Variants in USP30 observed in about 807,000 individuals in gnomAD.
The protein encoded by USP30 is ubiquitin specific peptidase 30.
A neutral mutation model predicts 68.2 loss-of-function variants in USP30; 41 were observed. The ratio of observed to expected loss-of-function variants is 0.60; its 90% CI spans 0.47 to 0.78. The LOEUF (loss-of-function observed/expected upper bound fraction) is 0.78. USP30 is among the 30% of genes least tolerant of loss of function. The pLI is 0.00. For missense variants in USP30, 522 were observed against 649.4 expected (o/e 0.80, Z 2.13); for synonymous variants, 229 against 253.7 (o/e 0.90, Z 0.93).
intron 7 of USP30, among the ~76,000 whole-genome samples, chr12:109,077,855 G>A (rs987923908): frequency 5.3e-5 from 8 of 151,814 alleles, no homozygotes; most frequent in Admixed American, 2.6e-4. Context: ...GAGAGATTAC[G>A]TTATGCAGTT....
At chr12:109,069,903 T>C (rs1440047257) in intron 4 of USP30, among the ~76,000 whole-genome samples, 3 of 151,972 alleles carry the variant, frequency 2.0e-5, no homozygotes, top group African/African-American at 7.2e-5. Flanking sequence ...TCCAGACAGA[T>C]GAAGAAGCTA....
chr12:109,069,294 C>T (rs570450088), intron 4 of USP30, among the ~76,000 whole-genome samples: 7 of 152,232 alleles, frequency 4.6e-5, no homozygotes, highest in Non-Finnish European at 8.8e-5. Flanking sequence ...AGCCTGGGCC[C>T]AGATGCCTGG....
intron 7 of USP30, among the ~76,000 whole-genome samples, chr12:109,074,894 T>G (rs1286679978): frequency 6.6e-6 from 1 of 152,216 alleles, no homozygotes; most frequent in Non-Finnish European, 1.5e-5. Flanking sequence ...CCCCAGCCCC[T>G]GGCAGCCAGC....
chr12:109,063,976 C>T (rs1282275884), intron 3 of USP30, among the ~76,000 whole-genome samples: 1 of 149,804 alleles, frequency 6.7e-6, no homozygotes, highest in African/African-American at 2.5e-5. Flanking sequence ...GAGTTCTAAG[C>T]GATTCTCCTG....
chr12:109,067,506 T>C lies in USP30; in HGVS notation c.377-18T>C, dbSNP rs2041296276. On this transcript the variant is annotated intron_variant, in intron 3 of 12. Transcript: ENST00000257548. ...ATGCTGATGAATTTAATAATTGTCTTACCTTTTTTGTTTCCAGCCTTGTCC... is the reference window on the plus strand; with the variant it reads ...ATGCTGATGAATTTAATAATTGTCTCACCTTTTTTGTTTCCAGCCTTGTCC... 6.2e-7 allele frequency: 1 copy of C among 1,607,132 alleles called. No homozygotes were observed. The highest frequency in any genetic ancestry group is 1.3e-5 in the African/African-American group (1 of 74,892).
intron 3 of USP30, among the ~76,000 whole-genome samples, chr12:109,038,032 T>G (rs1250769712): frequency 6.6e-6 from 1 of 152,120 alleles, no homozygotes; most frequent in African/African-American, 2.4e-5. Context: ...TATTTTAAGT[T>G]CCCAGGTACA....
rs548470119 is a variant in USP30, at chr12:109,080,268, A to G, written c.721-1066A>G. On this transcript the variant is annotated intron_variant, in intron 7 of 12. Transcript: ENST00000257548. The stretch of plus-strand genomic sequence containing the variant: ...TTGAACTCTGTCGTCTGACCACTCA[A>G]TCCTGTAGGATGCTGCTTTTCGCCA... Among the ~76,000 whole-genome samples the G allele has an allele frequency of 1.2e-4, 18 of 152,168 alleles. No homozygotes were observed. In the South Asian group the frequency reaches 3.7e-3, roughly 32 times the overall value.
At chr12:109,040,474 T>G (rs1404885194) in intron 3 of USP30, among the ~76,000 whole-genome samples, 1 of 152,226 alleles carries the variant, frequency 6.6e-6, no homozygotes, top group African/African-American at 2.4e-5. Context: ...ACTTAGCATC[T>G]TTAAAAAAAT....
chr12:109,047,049 C>G (rs1314323643), intron 3 of USP30, among the ~76,000 whole-genome samples: 1 of 152,132 alleles, frequency 6.6e-6, no homozygotes, highest in Non-Finnish European at 1.5e-5. Flanking sequence ...ATTTCATTGA[C>G]TAGGGTGACC....
Position 109,023,319 on chromosome 12 carries a change from G to T in USP30, c.-498+152G>T, listed in dbSNP as rs998043327. ...TATAATCCCAGCACTCTGGGAGGCC[G>T]AGGCGGATGGATCACTTGAGGTCAG... On this transcript the variant is annotated intron_variant, in intron 1 of 15. Transcript: ENST00000392784. 2.0e-5 allele frequency among the ~76,000 whole-genome samples: 3 copies of T among 152,254 alleles called. No individual in the cohort carries two copies. The East Asian group carries it at 5.8e-4, about 29-fold the overall frequency.
rs1294371939 is a variant in USP30, at chr12:109,055,395, TATA to T, written c.84-1286_84-1284del. Among the ~76,000 whole-genome samples the T allele has an allele frequency of 1.3e-3, 54 of 41,358 alleles. 4 individuals carry two copies. Among genetic ancestry groups the T allele is most frequent in the Non-Finnish European group, 2.2e-3 (46 of 20,782 alleles). 27.1% of individuals were successfully genotyped at this position (41,358 alleles called of 152,430 possible). On this transcript the variant is annotated intron_variant, in intron 1 of 12. Transcript: ENST00000257548. Reference sequence around the variant, plus strand: ...ATATATATACATATATATATATATATATATATTTTTTTTTTTTTTTTTTTTGAG... The same window carrying T: ...ATATATATACATATATATATATATATTATTTTTTTTTTTTTTTTTTTTGAG...
At chr12:109,051,122 T>A (rs1246174362), upstream of USP30, among the ~76,000 whole-genome samples, 1 of 152,172 alleles carries the variant, frequency 6.6e-6, no homozygotes, top group Non-Finnish European at 1.5e-5. Context: ...ACTCTGGGCC[T>A]GAAGCCATCC....
At chr12:109,052,786 C>T (rs1312272984) in intron 1 of USP30, 25 bp downstream of exon 1, 11 of 1,437,282 alleles carry the variant, frequency 7.7e-6, no homozygotes, top group Non-Finnish European at 9.1e-6. Context: ...GGCGGGGCTG[C>T]CGAAGAGGCC....
At chr12:109,025,104 C>A (rs1223728985) in intron 2 of USP30, 3 of 152,200 alleles carry the variant, frequency 2.0e-5, no homozygotes, top group Non-Finnish European at 4.4e-5. Flanking sequence ...GGAGCTGTTT[C>A]TTCTCCTGCC....
Position 109,045,379 on chromosome 12 carries a change from T to A in USP30, c.-135-2211T>A, listed in dbSNP as rs2135677881. 2.0e-5 allele frequency among the ~76,000 whole-genome samples: 3 copies of A among 152,324 alleles called. 1 individual carries two copies. The Middle Eastern group carries it at 0.01, about 518-fold the overall frequency. On this transcript the variant is annotated intron_variant, in intron 3 of 15. Transcript: ENST00000392784. ...ATGAGATCCCAGCTAAAATCAGGGC[T>A]GGGTTGCTCCATATGCCCAGGCAGT...
chr12:109,046,009 A>G (rs988761788), intron 3 of USP30, among the ~76,000 whole-genome samples: 7 of 150,772 alleles, frequency 4.6e-5, no homozygotes, highest in Admixed American at 2.0e-4. Flanking sequence ...CTGGAGACCT[A>G]TGGAAAAAGC....
At chr12:109,074,627 C>T (rs1163840065) in intron 7 of USP30, among the ~76,000 whole-genome samples, 1 of 152,100 alleles carries the variant, frequency 6.6e-6, no homozygotes, top group Non-Finnish European at 1.5e-5. Context: ...TGGCTTTTTC[C>T]CCCAGTTTTA....
At chr12:109,064,545 G>T (rs1251046174) in intron 3 of USP30, among the ~76,000 whole-genome samples, 4 of 152,182 alleles carry the variant, frequency 2.6e-5, no homozygotes, top group Non-Finnish European at 5.9e-5. Context: ...CTCCCAGAGT[G>T]CTGGGATTAC....
chr12:109,074,376 T>TC (rs2041532663), intron 7 of USP30, among the ~76,000 whole-genome samples: 1 of 152,252 alleles, frequency 6.6e-6, no homozygotes, highest in African/African-American at 2.4e-5. Flanking sequence ...TTCACTTCAG[T>TC]TGGGTATATA....
Sources: gnomAD v4.1 joint callset for allele counts (sites outside exome capture counted in the v4.1 genomes callset) on GRCh38, gnomAD v4.1.1 for gene constraint, MANE v1.5 for transcripts, NCBI Gene and HGNC (gene_info 2026-07-23, HGNC 2026-07-21) for gene names.